The following KIAA0753 variants were observed in gnomAD, a reference collection of about 807,000 sequenced individuals.
KIAA0753 encodes the protein protein moonraker.
Under a neutral mutation model 116.9 loss-of-function variants are expected in KIAA0753, and 114 were observed. The ratio of observed to expected loss-of-function variants is 0.98; its 90% CI spans 0.84 to 1.14. The LOEUF is 1.14. Ranked by LOEUF, KIAA0753 falls within the 50% of genes most tolerant of loss-of-function variation. The pLI is 0.00. For synonymous variants in KIAA0753, 405 were observed against 413.1 expected, an observed-to-expected ratio of 0.98 and a Z score of 0.24; for missense variants, 1,156 against 1,172.4, an observed-to-expected ratio of 0.99 and a Z score of 0.20.
intron 2 of KIAA0753, among the ~76,000 whole-genome samples, chr17:6,633,023 A>G (rs191596188): frequency 6.6e-6 from 1 of 152,286 alleles, no homozygotes; most frequent in African/African-American, 2.4e-5. Flanking sequence ...TGCAGATTAC[A>G]TGATGGTATC....
At chr17:6,586,064 T>TCACGGGAGAGGATCCCTCATG (rs1968552171) in intron 18 of KIAA0753, among the ~76,000 whole-genome samples, 1 of 75,664 alleles carries the variant, frequency 1.3e-5, no homozygotes, top group Non-Finnish European at 2.3e-5. Context: ...TTTGGTGCTG[T>TCACGGGAGAGGATCCCTCATG]CTTTCTTCAT....
intron 7 of KIAA0753, among the ~76,000 whole-genome samples, chr17:6,614,101 T>C (rs1970722862): frequency 2.6e-5 from 4 of 152,320 alleles, no homozygotes; most frequent in African/African-American, 4.8e-5. Context: ...GAAAAGATGA[T>C]TGACTTCACT....
At chr17:6,593,931 A>C (rs182859178) in intron 16 of KIAA0753, among the ~76,000 whole-genome samples, 1 of 152,288 alleles carries the variant, frequency 6.6e-6, no homozygotes, top group Non-Finnish European at 1.5e-5. Context: ...ATCATTATTC[A>C]CCTTCACCAG....
intron 6 of KIAA0753, among the ~76,000 whole-genome samples, chr17:6,622,568 T>C (rs1971397671): frequency 6.6e-6 from 1 of 152,254 alleles, no homozygotes; most frequent in Non-Finnish European, 1.5e-5. Flanking sequence ...GGTTTCCTTT[T>C]CTATGCTAAT....
intron 4 of KIAA0753, 93 bp downstream of exon 4, chr17:6,624,662 T>C (rs992513248): frequency 4.8e-5 from 38 of 787,000 alleles, no homozygotes; most frequent in South Asian, 3.3e-4. Context: ...GATACTCTAG[T>C]GCTAATCTTT....
chr17:6,599,691 C>T (rs2150787375), intron 13 of KIAA0753, among the ~76,000 whole-genome samples: 1 of 152,114 alleles, frequency 6.6e-6, no homozygotes, highest in South Asian at 2.1e-4. Flanking sequence ...TAAGAGTCTT[C>T]CTAGTTCTAT....
At chr17:6,634,916 T>G (rs1007447724) in intron 2 of KIAA0753, 95 bp downstream of exon 2, 2 of 786,498 alleles carry the variant, frequency 2.5e-6, no homozygotes, top group Admixed American at 4.2e-5. Context: ...TTGCTGAATC[T>G]AGGAGGTGAT....
chr17:6,623,721 C>A (rs1276188753), intron 4 of KIAA0753, 150 bp from the exon 5 acceptor site: 1 of 1,150,998 alleles, frequency 8.7e-7, no homozygotes, highest in Admixed American at 3.5e-5. Context: ...TTCATTCATG[C>A]ACCCAAAAAA....
chr17:6,607,539 A>T (rs1264959287), intron 10 of KIAA0753, among the ~76,000 whole-genome samples: 3 of 152,232 alleles, frequency 2.0e-5, no homozygotes, highest in African/African-American at 7.2e-5. Flanking sequence ...GGGGTTTCTT[A>T]TTAGACTCAA....
chr17:6,616,903 T>C (rs530727968), intron 7 of KIAA0753, among the ~76,000 whole-genome samples: 1 of 152,212 alleles, frequency 6.6e-6, no homozygotes, highest in African/African-American at 2.4e-5. Context: ...GACTAAAATC[T>C]AGGTCTCCTT....
At chr17:6,611,272 A>G (rs1970523241) in intron 8 of KIAA0753, among the ~76,000 whole-genome samples, 2 of 152,082 alleles carry the variant, frequency 1.3e-5, no homozygotes, top group South Asian at 4.1e-4. Flanking sequence ...AGTAATTATT[A>G]TTGATCGATA....
intron 7 of KIAA0753, among the ~76,000 whole-genome samples, chr17:6,617,051 T>TCTACCTCATTTAG (rs1267248365): frequency 1.3e-5 from 2 of 152,194 alleles, no homozygotes; most frequent in African/African-American, 2.4e-5. Context: ...CCTCAAATCT[T>TCTACCTCATTTAG]CTACCTCATT....
intron 14 of KIAA0753, among the ~76,000 whole-genome samples, chr17:6,596,914 T>G (rs1425027838): frequency 6.6e-6 from 1 of 152,244 alleles, no homozygotes; most frequent in Non-Finnish European, 1.5e-5. Flanking sequence ...TTGATTTGAA[T>G]GCATGTTTAT....
Position 6,612,099 on chromosome 17 carries a change from A to G in KIAA0753, c.1365T>C (p.Ser455=), listed in dbSNP as rs1344364765. ...TELPETQRLQ[S]ELDVLDADIV... Reference sequence around the variant, plus strand: ...TATCCGCATCTAATACATCAAGCTCACTCTGCAACCTCTGGGTCTCCGGAA... The same window carrying G: ...TATCCGCATCTAATACATCAAGCTCGCTCTGCAACCTCTGGGTCTCCGGAA... Residue 455 remains serine, a synonymous_variant, in exon 8 of 19, where the codon AGT becomes AGC. Coordinates refer to ENST00000361413, the MANE Select transcript of KIAA0753 (RefSeq NM_014804.3). The G allele has an allele frequency of 6.2e-7, 1 of 1,614,096 alleles. No individual in the cohort carries two copies. Among genetic ancestry groups the G allele is most frequent in the East Asian group, 2.2e-5 (1 of 44,884 alleles).
chr17:6,586,217 G>C (rs115031044), intron 18 of KIAA0753, among the ~76,000 whole-genome samples: 3,127 of 152,152 alleles, frequency 0.021, 104 homozygotes, highest in African/African-American at 0.07. Context: ...GAGGTGTCCC[G>C]AGAAGCCAAG....
At chr17:6,600,494 G>A (rs1440925446) in intron 12 of KIAA0753, 36 bp from the exon 13 acceptor site, 1 of 1,504,714 alleles carries the variant, frequency 6.6e-7, no homozygotes, top group South Asian at 1.1e-5. Context: ...AAAATCAAAG[G>A]CAATAAAATA....
intron 4 of KIAA0753, among the ~76,000 whole-genome samples, chr17:6,624,535 G>GA (rs1567580870): frequency 1.6e-4 from 14 of 85,078 alleles, no homozygotes; most frequent in Non-Finnish European, 2.9e-4. Flanking sequence ...GGAGTTTGGC[G>GA]CCACACACAC....
chr17:6,623,088 T>G lies in KIAA0753; in HGVS notation c.898A>C (p.Met300Leu), dbSNP rs747045906. The change falls in exon 6 of 19, where the codon ATG becomes CTG. Residue 300 changes from methionine to leucine, a missense_variant. Physicochemically the swap from Met to Leu is conservative, Grantham distance 15 (BLOSUM62 2). Coordinates refer to ENST00000361413, the MANE Select transcript of KIAA0753 (RefSeq NM_014804.3). ...CGATGGGCAGCCGCCAGCTTAGACA[T>G]TGCCCATGACTGGTAATAAACAAGA... ...KIKHTKKSWA[M>L]SKLAAAHRGA... is the part of the protein sequence containing the mutation. 4 of 1,612,968 alleles carry G rather than the reference T, an allele frequency of 2.5e-6. No homozygotes were observed. The highest frequency in any genetic ancestry group is 1.7e-6 in the Non-Finnish European group (2 of 1,179,742).
intron 18 of KIAA0753, among the ~76,000 whole-genome samples, chr17:6,587,551 G>T (rs1968671008): frequency 6.6e-6 from 1 of 152,194 alleles, no homozygotes. Flanking sequence ...AGCCAGACAG[G>T]TTACAAGAAA....
Sources: gnomAD v4.1 joint callset for allele counts (sites outside exome capture counted in the v4.1 genomes callset) on GRCh38, gnomAD v4.1.1 for gene constraint, MANE v1.5 for transcripts, NCBI Gene and HGNC (gene_info 2026-07-23, HGNC 2026-07-21) for gene names.